GALNT13: variants seen among roughly 807,000 people sequenced by gnomAD.
GALNT13 encodes UDP-GalNAc:polypeptide N-acetylgalactosaminyltransferase 13.
A neutral mutation model predicts 64.2 loss-of-function variants in GALNT13; 28 were observed. The ratio of observed to expected loss-of-function variants is 0.44; its 90% CI spans 0.32 to 0.60. The LOEUF is 0.60. Ranked by LOEUF, GALNT13 falls within the 20% of genes least tolerant of loss-of-function variation. GALNT13 has a pLI of 0.05. For synonymous variants in GALNT13, 214 were observed against 224.6 expected, an observed-to-expected ratio of 0.95 and a Z score of 0.42; for missense variants, 577 against 669.8, an observed-to-expected ratio of 0.86 and a Z score of 1.53.
chr2:153,983,157 A>G (rs1394823216), intron 3 of GALNT13, among the ~76,000 whole-genome samples: 1 of 151,924 alleles, frequency 6.6e-6, no homozygotes, highest in African/African-American at 2.4e-5. Flanking sequence ...AAGTAGCAAA[A>G]TTTGCTGTAG....
At chr2:153,767,275 A>G in the GALNT13 span, among the ~76,000 whole-genome samples, 1 of 152,134 alleles carries the variant, frequency 6.6e-6, no homozygotes, top group Non-Finnish European at 1.5e-5. Flanking sequence ...GCTGCAAAGG[A>G]CATGAATTTA....
At chr2:153,079,461 T>C in the GALNT13 span, among the ~76,000 whole-genome samples, 3 of 152,180 alleles carry the variant, frequency 2.0e-5, no homozygotes, top group Admixed American at 6.6e-5. Flanking sequence ...TTAACATTCT[T>C]TTTAAGGTAA....
chr2:153,609,178 C>T, the GALNT13 span, among the ~76,000 whole-genome samples: 1 of 121,080 alleles, frequency 8.3e-6, no homozygotes, highest in Non-Finnish European at 1.7e-5. Context: ...GTGAGCCTGC[C>T]TCAGCCCCCC....
rs537758488 is a variant in GALNT13, at chr2:154,304,316, T to C, written c.1156+2727T>C. ...TTCAGAGTTGAATTCAGCAAGAGCA[T>C]GTAATATTCAAAGCAAGGCAGTGAC... On this transcript the variant is annotated intron_variant, in intron 9 of 12. Transcript: ENST00000392825. Among the ~76,000 whole-genome samples, 10 of 152,342 alleles carry C rather than the reference T, an allele frequency of 6.6e-5. No individual in the cohort carries two copies. The South Asian group carries it at 1.9e-3, about 28-fold the overall frequency.
intron 3 of GALNT13, among the ~76,000 whole-genome samples, chr2:154,110,320 TATATATATATATATATAGAGAGAGAG>T (rs1702889006): frequency 2.8e-5 from 1 of 35,154 alleles, no homozygotes; most frequent in African/African-American, 1.4e-4. Flanking sequence ...TATATATATA[TATATATATATATATATAGAGAGAGAG>T]AGAGAGAGAG....
At chr2:153,476,811 G>A in the GALNT13 span, among the ~76,000 whole-genome samples, 1 of 152,150 alleles carries the variant, frequency 6.6e-6, no homozygotes, top group Non-Finnish European at 1.5e-5. Context: ...GAGCATTAAC[G>A]TCACTAACGT....
At chr2:153,325,122 T>TTTTGTTTTTG in the GALNT13 span, among the ~76,000 whole-genome samples, 1 of 143,934 alleles carries the variant, frequency 6.9e-6, no homozygotes, top group East Asian at 2.1e-4. Flanking sequence ...GGGTTTTTTT[T>TTTTGTTTTTG]TTTTTTTTTT....
the GALNT13 span, among the ~76,000 whole-genome samples, chr2:153,122,825 C>T: frequency 6.6e-6 from 1 of 152,096 alleles, no homozygotes; most frequent in African/African-American, 2.4e-5. Context: ...CCCCCTCCCC[C>T]CAAAAATATA....
intron 3 of GALNT13, among the ~76,000 whole-genome samples, chr2:154,093,441 A>G (rs898635221): frequency 9.9e-5 from 15 of 152,092 alleles, no homozygotes; most frequent in African/African-American, 3.6e-4. Flanking sequence ...ATGTACCTGC[A>G]CTACACTCTA....
chr2:153,975,893 G>T (rs974213490), intron 3 of GALNT13, among the ~76,000 whole-genome samples: 1 of 152,098 alleles, frequency 6.6e-6, no homozygotes, highest in African/African-American at 2.4e-5. Flanking sequence ...TTGTCATAAT[G>T]ATTTCACAAC....
the GALNT13 span, among the ~76,000 whole-genome samples, chr2:153,401,775 C>T: frequency 1.3e-5 from 2 of 150,550 alleles, no homozygotes; most frequent in African/African-American, 4.9e-5. Flanking sequence ...TTTCCATTTG[C>T]TTGGTAGATC....
chr2:153,215,783 C>T, the GALNT13 span, among the ~76,000 whole-genome samples: 1 of 151,508 alleles, frequency 6.6e-6, no homozygotes. Context: ...TTCTCTGGGC[C>T]TTTAAAAGGT....
At chr2:153,339,082 A>G in the GALNT13 span, among the ~76,000 whole-genome samples, 1 of 152,236 alleles carries the variant, frequency 6.6e-6, no homozygotes, top group Non-Finnish European at 1.5e-5. Flanking sequence ...TGTAATAAGC[A>G]TGAGAATGCA....
rs550180732 is a variant in GALNT13, at chr2:154,263,132, G to A, written c.975+3994G>A. On this transcript the variant is annotated intron_variant, in intron 8 of 12. Transcript: ENST00000392825. ...AATAAAGGAGCTTGATGACAGCAAA[G>A]GACACAGAAATCTGTCTCACAGCCA... 2.4e-4 allele frequency among the ~76,000 whole-genome samples: 37 copies of A among 152,236 alleles called. No homozygotes were observed. In the South Asian group the frequency reaches 7.2e-3, roughly 30 times the overall value.
At chr2:153,221,353 T>C in the GALNT13 span, among the ~76,000 whole-genome samples, 349 of 152,252 alleles carry the variant, frequency 2.3e-3, 2 homozygotes, top group African/African-American at 7.8e-3. Context: ...CCCAAATCTA[T>C]GTCGTCTAAA....
intron 2 of GALNT13, among the ~76,000 whole-genome samples, chr2:153,903,335 G>A (rs1688353459): frequency 6.6e-6 from 1 of 151,874 alleles, no homozygotes; most frequent in South Asian, 2.1e-4. Context: ...TTTTGACGAG[G>A]GAAAAACGTA....
At chr2:153,556,239 T>C in the GALNT13 span, among the ~76,000 whole-genome samples, 2 of 152,298 alleles carry the variant, frequency 1.3e-5, no homozygotes, top group Admixed American at 1.3e-4. Flanking sequence ...TATTTAAAGG[T>C]TGGGCTATTT....
the GALNT13 span, among the ~76,000 whole-genome samples, chr2:153,780,684 C>G: frequency 6.6e-6 from 1 of 152,044 alleles, no homozygotes; most frequent in East Asian, 1.9e-4. Flanking sequence ...CTACAGAATA[C>G]ACAATGAATA....
chr2:153,488,690 C>T, the GALNT13 span, among the ~76,000 whole-genome samples: 200 of 152,242 alleles, frequency 1.3e-3, 1 homozygote, highest in African/African-American at 4.6e-3. Flanking sequence ...AGAGCTATTT[C>T]CAGTATGAAA....
Sources: allele counts gnomAD v4.1 joint callset (sites outside exome capture counted in the v4.1 genomes callset), GRCh38; gene constraint gnomAD v4.1.1; transcripts MANE v1.5; gene names NCBI Gene and HGNC (gene_info 2026-07-23, HGNC 2026-07-21).